KLHDC4: variants seen among roughly 807,000 people sequenced by gnomAD.
KLHDC4 encodes the protein kelch domain-containing protein 4.
Under a neutral mutation model 62.4 loss-of-function variants are expected in KLHDC4, and 90 were observed. The observed-to-expected ratio is 1.44, with a 90% confidence interval of 1.22 to 1.72. KLHDC4 has a LOEUF of 1.72. Ranked by LOEUF, KLHDC4 falls within the 40% of genes most tolerant of loss-of-function variation. KLHDC4 has a pLI of 0.00. For synonymous variants in KLHDC4, 386 were observed against 284.4 expected (o/e 1.36, Z -3.59); for missense variants, 1,025 against 699.7 (o/e 1.47, Z -5.25).
At chr16:87,734,447 A>T (rs2040923795) in intron 5 of KLHDC4, among the ~76,000 whole-genome samples, 1 of 152,162 alleles carries the variant, frequency 6.6e-6, no homozygotes, top group South Asian at 2.1e-4. Context: ...AATTCACCAC[A>T]TCATCAGGGT....
At chr16:87,764,601 T>C (rs888599726) in intron 1 of KLHDC4, among the ~76,000 whole-genome samples, 4 of 122,820 alleles carry the variant, frequency 3.3e-5, no homozygotes, top group Non-Finnish European at 6.2e-5. Context: ...TGAGCTGAGA[T>C]CGCACCATTG....
At chr16:87,704,939 T>C (rs1368007923), downstream of KLHDC4, among the ~76,000 whole-genome samples, 3 of 152,068 alleles carry the variant, frequency 2.0e-5, no homozygotes, top group African/African-American at 7.3e-5. Flanking sequence ...AGGGGGAGCA[T>C]GGAGAACAAG....
intron 11 of KLHDC4, 47 bp downstream of exon 11, chr16:87,708,302 TC>T (rs1328325637): frequency 7.9e-7 from 1 of 1,272,520 alleles, no homozygotes; most frequent in South Asian, 1.3e-5. Flanking sequence ...GAAAAGCCTT[TC>T]ACGAACACCC....
At chr16:87,742,146 G>A (rs927712761) in intron 5 of KLHDC4, among the ~76,000 whole-genome samples, 4 of 151,910 alleles carry the variant, frequency 2.6e-5, no homozygotes, top group South Asian at 2.1e-4. Context: ...TCTCAGCAGC[G>A]GCCACATAGT....
At chr16:87,730,259 C>T (rs2040105320) in intron 6 of KLHDC4, among the ~76,000 whole-genome samples, 1 of 152,224 alleles carries the variant, frequency 6.6e-6, no homozygotes, top group African/African-American at 2.4e-5. Context: ...CAGCCAAAAC[C>T]CCATTTTAGA....
intron 7 of KLHDC4, 113 bp from the exon 8 acceptor site, chr16:87,714,686 G>C (rs2142969092): frequency 4.6e-6 from 5 of 1,094,996 alleles, no homozygotes; most frequent in East Asian, 2.4e-5. Flanking sequence ...CTTCCCTGTA[G>C]ACCAGCCCCA....
chr16:87,707,073 T>G (rs1252323135), downstream of KLHDC4, among the ~76,000 whole-genome samples: 3 of 152,212 alleles, frequency 2.0e-5, no homozygotes, highest in African/African-American at 7.2e-5. Flanking sequence ...ATTCCCACTG[T>G]TCAAAATATT....
At chr16:87,735,412 G>C (rs2041143716) in intron 5 of KLHDC4, among the ~76,000 whole-genome samples, 1 of 152,160 alleles carries the variant, frequency 6.6e-6, no homozygotes. Flanking sequence ...CAACCAGCGA[G>C]GGAACACAGG....
Position 87,755,293 on chromosome 16 carries a change from C to A in KLHDC4, c.271-1G>T. On this transcript the variant is annotated splice_acceptor_variant, in intron 3 of 11. Transcript: ENST00000270583. LOFTEE classifies it high-confidence loss of function. Reference sequence around the variant, plus strand: ...CATAGAGCTCGTTATACAAAAAAGTCTACAGGAAGGAAGAAGAATGTCAGT... The same window carrying A: ...CATAGAGCTCGTTATACAAAAAAGTATACAGGAAGGAAGAAGAATGTCAGT... 3.9e-6 allele frequency: 6 copies of A among 1,550,302 alleles called. No homozygotes were observed. The highest frequency in any genetic ancestry group is 5.3e-6 in the Non-Finnish European group (6 of 1,122,992).
intron 2 of KLHDC4, among the ~76,000 whole-genome samples, chr16:87,761,277 G>A (rs2045857573): frequency 6.6e-6 from 1 of 152,140 alleles, no homozygotes; most frequent in Non-Finnish European, 1.5e-5. Flanking sequence ...TGGGACTCGG[G>A]CACCAGAGCC....
chr16:87,708,371 C>T lies in KLHDC4; in HGVS notation c.1543G>A (p.Glu515Lys). 6.2e-7 allele frequency: 1 copy of T among 1,609,430 alleles called. No homozygotes were observed. Reference sequence around the variant, plus strand: ...TCACCTCAGTCCTCCGCACCGCTCTCCTCTCCGCTGTCTTCGTCGTCGACC... The same window carrying T: ...TCACCTCAGTCCTCCGCACCGCTCTTCTCTCCGCTGTCTTCGTCGTCGACC... The part of the protein sequence containing the change: ...GGVDDEDSGE[E>K]SGAED Residue 515 changes from glutamate (E) to lysine (K), a missense_variant, in exon 11 of 12, where the codon GAG (glutamate) becomes AAG (lysine). Glu to Lys is a moderately conservative substitution (Grantham distance 56). Coordinates refer to ENST00000270583, the MANE Select transcript of KLHDC4 (RefSeq NM_017566.4).
chr16:87,748,838 C>A, intron 4 of KLHDC4, 29 bp from the exon 5 acceptor site: 1 of 1,610,170 alleles, frequency 6.2e-7, no homozygotes. Flanking sequence ...CAGGTCAGGG[C>A]ACAGCCACAC....
intron 7 of KLHDC4, among the ~76,000 whole-genome samples, chr16:87,718,821 G>A (rs540867555): frequency 2.6e-5 from 4 of 151,430 alleles, no homozygotes; most frequent in Admixed American, 2.0e-4. Context: ...GATGTGGGGA[G>A]TGCCTCTGCC....
intron 5 of KLHDC4, among the ~76,000 whole-genome samples, chr16:87,740,063 C>T (rs1199731325): frequency 1.3e-5 from 2 of 152,222 alleles, no homozygotes; most frequent in Admixed American, 6.5e-5. Flanking sequence ...TCAGAGGGCA[C>T]TGGCCCAGAA....
At chr16:87,706,981 C>G (rs1216096779), downstream of KLHDC4, among the ~76,000 whole-genome samples, 1 of 152,202 alleles carries the variant, frequency 6.6e-6, no homozygotes, top group Non-Finnish European at 1.5e-5. Flanking sequence ...CTCCCCACCA[C>G]CCTTGTTTTC....
At chr16:87,701,839 T>A (rs1353975098) in exon 1 of KLHDC4, 3 of 456,540 alleles carry the variant, frequency 6.6e-6, no homozygotes, top group Non-Finnish European at 1.3e-5. Flanking sequence ...CCACTGCTCG[T>A]TAACAGCTGC....
intron 5 of KLHDC4, chr16:87,740,573 A>T (rs2042089972): frequency 6.6e-6 from 1 of 152,258 alleles, no homozygotes; most frequent in South Asian, 2.1e-4. Flanking sequence ...CATCTCCACC[A>T]GGACACACCT....
chr16:87,699,680 CAGAG>C (rs2034050347), exon 1 of KLHDC4: 1 of 152,378 alleles, frequency 6.6e-6, no homozygotes, highest in Admixed American at 6.5e-5. Context: ...GCCTGGACGA[CAGAG>C]TGAGTCTGTC....
chr16:87,727,662 G>C (rs891979876), intron 6 of KLHDC4, among the ~76,000 whole-genome samples: 2 of 152,212 alleles, frequency 1.3e-5, no homozygotes, highest in African/African-American at 4.8e-5. Flanking sequence ...GGCGCACCCA[G>C]AAAGTCCTGT....
Sources: allele counts gnomAD v4.1 joint callset (sites outside exome capture counted in the v4.1 genomes callset), GRCh38; gene constraint gnomAD v4.1.1; transcripts MANE v1.5; gene names NCBI Gene and HGNC (gene_info 2026-07-23, HGNC 2026-07-21).